Variants in SPAG16 observed in about 807,000 individuals in gnomAD.
SPAG16 encodes sperm associated antigen 16.
Under a neutral mutation model 80.4 loss-of-function variants are expected in SPAG16, and 86 were observed. That is an observed-to-expected ratio of 1.07 (90% CI 0.90 to 1.28). The LOEUF is 1.28. Ranked by LOEUF, SPAG16 falls within the 50% of genes most tolerant of loss-of-function variation. The probability of loss-of-function intolerance (pLI) is 0.00; values close to 1 mark genes in which losing one functional copy is unlikely to be tolerated. For missense variants in SPAG16, 870 were observed against 765.3 expected (o/e 1.14, Z -1.61); for synonymous variants, 294 against 265.9 (o/e 1.11, Z -1.03).
intron 5 of SPAG16, among the ~76,000 whole-genome samples, chr2:213,319,976 C>T (rs977251): frequency 0.2 from 30,691 of 151,784 alleles, 3,884 homozygotes; most frequent in Non-Finnish European, 0.29. Flanking sequence ...AACTTAAAAT[C>T]TAAAAAATTA....
Position 214,119,652 on chromosome 2 carries a change from A to T in SPAG16, c.1593+11391A>T, listed in dbSNP as rs963014874. Among the ~76,000 whole-genome samples the T allele has an allele frequency of 2.6e-5, 4 of 152,096 alleles. No individual in the cohort carries two copies. The South Asian group carries it at 8.3e-4, about 32-fold the overall frequency. On this transcript the variant is annotated intron_variant, in intron 14 of 15. Coordinates refer to ENST00000331683, the MANE Select transcript of SPAG16 (RefSeq NM_024532.5). ...TTCTAGTCTCATCTTGAAATTAGTCATGTAAATCTTTGATATTTATGAGAT... is the reference window on the plus strand; with the variant it reads ...TTCTAGTCTCATCTTGAAATTAGTCTTGTAAATCTTTGATATTTATGAGAT...
intron 14 of SPAG16, among the ~76,000 whole-genome samples, chr2:214,145,212 CAG>C (rs2055578101): frequency 6.6e-6 from 1 of 151,880 alleles, no homozygotes; most frequent in Non-Finnish European, 1.5e-5. Context: ...AACCTCTGTG[CAG>C]AGAGATAGTA....
intron 9 of SPAG16, among the ~76,000 whole-genome samples, chr2:213,420,227 C>G (rs1369500727): frequency 6.6e-6 from 1 of 152,146 alleles, no homozygotes; most frequent in East Asian, 1.9e-4. Flanking sequence ...AGAATAAACC[C>G]TGGATAAATG....
chr2:214,255,648 C>A (rs907430093), intron 15 of SPAG16, among the ~76,000 whole-genome samples: 1 of 151,856 alleles, frequency 6.6e-6, no homozygotes, highest in African/African-American at 2.4e-5. Flanking sequence ...CTCTCGTGCC[C>A]CTTTTCACTC....
At chr2:213,547,549 A>T (rs1456296215) in intron 10 of SPAG16, among the ~76,000 whole-genome samples, 1 of 152,176 alleles carries the variant, frequency 6.6e-6, no homozygotes, top group Non-Finnish European at 1.5e-5. Context: ...AGTGTAATTG[A>T]TTTTTAAATC....
chr2:213,347,129 G>T (rs1254713201), intron 6 of SPAG16, among the ~76,000 whole-genome samples: 2 of 151,996 alleles, frequency 1.3e-5, no homozygotes, highest in Admixed American at 6.6e-5. Context: ...TGTATATGTC[G>T]AGGAATTTAT....
At chr2:213,453,155 G>A (rs2071801924) in intron 9 of SPAG16, among the ~76,000 whole-genome samples, 1 of 151,992 alleles carries the variant, frequency 6.6e-6, no homozygotes, top group Non-Finnish European at 1.5e-5. Flanking sequence ...TTCTTGTATT[G>A]TAATAATACA....
At chr2:213,524,857 T>A (rs550368500) in intron 10 of SPAG16, among the ~76,000 whole-genome samples, 1 of 152,324 alleles carries the variant, frequency 6.6e-6, no homozygotes, top group East Asian at 1.9e-4. Context: ...CTTGGAATTT[T>A]GAGTTAATGT....
chr2:214,112,618 A>G (rs2053725076), intron 14 of SPAG16, among the ~76,000 whole-genome samples: 1 of 147,450 alleles, frequency 6.8e-6, no homozygotes, highest in Non-Finnish European at 1.5e-5. Context: ...TTTTATCAAG[A>G]GACTAGGATT....
intron 10 of SPAG16, among the ~76,000 whole-genome samples, chr2:213,620,468 A>G (rs1181631828): frequency 6.6e-6 from 1 of 151,438 alleles, no homozygotes; most frequent in Non-Finnish European, 1.5e-5. Flanking sequence ...AATTTTTTGT[A>G]TTTTTAGTAG....
At chr2:213,610,625 C>T (rs533066328) in intron 10 of SPAG16, among the ~76,000 whole-genome samples, 2 of 152,210 alleles carry the variant, frequency 1.3e-5, no homozygotes, top group African/African-American at 4.8e-5. Flanking sequence ...AAGAATTCAG[C>T]GCAAGTCTGC....
chr2:213,433,689 G>A (rs339821), intron 9 of SPAG16, among the ~76,000 whole-genome samples: 65,942 of 151,820 alleles, frequency 0.43, 15,433 homozygotes, highest in African/African-American at 0.6. Context: ...CAATCTACAG[G>A]TTTAATACAA....
At chr2:213,817,869 A>G (rs2125685229) in intron 10 of SPAG16, among the ~76,000 whole-genome samples, 1 of 152,270 alleles carries the variant, frequency 6.6e-6, no homozygotes, top group African/African-American at 2.4e-5. Context: ...GGTACTATAT[A>G]GGCTGACTAC....
intron 3 of SPAG16, among the ~76,000 whole-genome samples, chr2:213,305,448 A>C (rs115008213): frequency 1.8e-3 from 270 of 152,228 alleles, no homozygotes; most frequent in African/African-American, 6.1e-3. Flanking sequence ...CTTGGAGGAA[A>C]GGCTTTCAGG....
chr2:214,385,967 C>T (rs1574474182), intron 15 of SPAG16, among the ~76,000 whole-genome samples: 1 of 152,300 alleles, frequency 6.6e-6, no homozygotes. Flanking sequence ...TGCTGGTTTC[C>T]ATTTGCTTTC....
intron 15 of SPAG16, among the ~76,000 whole-genome samples, chr2:214,248,218 G>A (rs1181278550): frequency 2.0e-5 from 3 of 151,080 alleles, no homozygotes; most frequent in Non-Finnish European, 4.4e-5. Flanking sequence ...GGAACTAAGA[G>A]GTTAGAGGAA....
intron 11 of SPAG16, among the ~76,000 whole-genome samples, chr2:213,909,255 A>G (rs1266435782): frequency 4.6e-5 from 7 of 152,178 alleles, no homozygotes; most frequent in Non-Finnish European, 1.0e-4. Flanking sequence ...AGAACATTCC[A>G]TGCTCATGGG....
At chr2:214,136,681 G>A (rs1396022053) in intron 14 of SPAG16, among the ~76,000 whole-genome samples, 4 of 152,096 alleles carry the variant, frequency 2.6e-5, no homozygotes, top group Non-Finnish European at 5.9e-5. Flanking sequence ...AACTTTCTAA[G>A]CATTCCCAAA....
At chr2:214,188,096 T>C (rs975165311) in intron 15 of SPAG16, among the ~76,000 whole-genome samples, 3 of 152,102 alleles carry the variant, frequency 2.0e-5, no homozygotes, top group Non-Finnish European at 4.4e-5. Context: ...TATCATCCCT[T>C]TCTTTGCATA....
Sources: allele counts gnomAD v4.1 joint callset (sites outside exome capture counted in the v4.1 genomes callset), GRCh38; gene constraint gnomAD v4.1.1; transcripts MANE v1.5; gene names NCBI Gene and HGNC (gene_info 2026-07-23, HGNC 2026-07-21).